Variants in MED12L observed in about 807,000 individuals in gnomAD.
The protein encoded by MED12L is mediator complex subunit 12L.
Under a neutral mutation model 281.3 loss-of-function variants are expected in MED12L, and 60 were observed. That is an observed-to-expected ratio of 0.21 (90% confidence interval 0.17 to 0.26). MED12L has a LOEUF of 0.26. MED12L is among the 10% of genes least tolerant of loss of function. MED12L has a pLI of 1.00. For missense variants in MED12L, 2,146 were observed against 2,680.9 expected (o/e 0.80, Z 4.41); for synonymous variants, 974 against 987.2 (o/e 0.99, Z 0.25).
chr3:151,111,435 C>T (rs1711873216), intron 2 of MED12L, among the ~76,000 whole-genome samples: 2 of 152,032 alleles, frequency 1.3e-5, no homozygotes, highest in African/African-American at 2.4e-5. Flanking sequence ...ATTGAGGAAA[C>T]GGAGGCACAG....
intron 16 of MED12L, among the ~76,000 whole-genome samples, chr3:151,274,848 A>T (rs1447977456): frequency 6.6e-5 from 10 of 152,212 alleles, no homozygotes; most frequent in Non-Finnish European, 1.0e-4. Flanking sequence ...TCATCACACC[A>T]TCTCTACCAT....
At chr3:151,171,813 T>G (rs112337190) in intron 11 of MED12L, among the ~76,000 whole-genome samples, 5 of 152,280 alleles carry the variant, frequency 3.3e-5, no homozygotes, top group African/African-American at 1.2e-4. Flanking sequence ...GGACAAAAGC[T>G]CGCTTTCTGT....
In MED12L at chr3:151,142,625, G is replaced by A. The variant is rs187598928; in HGVS notation, c.557-13536G>A. 4.5e-4 allele frequency among the ~76,000 whole-genome samples: 69 copies of A among 152,272 alleles called. 1 individual carries two copies. The highest frequency in any genetic ancestry group is 1.6e-3 in the African/African-American group (67 of 41,544). Reference sequence around the variant, plus strand: ...GCATATCCTCTGAGATATATTTCATGTATTTTTAAGTGTAGATTTTGTGTA... The same window carrying A: ...GCATATCCTCTGAGATATATTTCATATATTTTTAAGTGTAGATTTTGTGTA... On this transcript the variant is annotated intron_variant, in intron 5 of 44. Coordinates refer to ENST00000687756, the MANE Select transcript of MED12L (RefSeq NM_001393769.1).
At chr3:151,281,070 A>G (rs1332251906) in intron 16 of MED12L, among the ~76,000 whole-genome samples, 1 of 151,630 alleles carries the variant, frequency 6.6e-6, no homozygotes, top group Non-Finnish European at 1.5e-5. Context: ...GACAATATTT[A>G]TTCTATCTTC....
chr3:151,289,786 C>T (rs1189457727), intron 16 of MED12L, among the ~76,000 whole-genome samples: 1 of 152,044 alleles, frequency 6.6e-6, no homozygotes, highest in African/African-American at 2.4e-5. Flanking sequence ...TTTGCAGATT[C>T]TTGTCATAGG....
intron 16 of MED12L, among the ~76,000 whole-genome samples, chr3:151,283,733 C>T (rs1281874696): frequency 4.6e-5 from 7 of 152,220 alleles, no homozygotes; most frequent in African/African-American, 1.7e-4. Flanking sequence ...AGAGAATATT[C>T]TCCAACTCCG....
chr3:151,204,085 A>G (rs1726028410), intron 16 of MED12L, among the ~76,000 whole-genome samples: 1 of 152,192 alleles, frequency 6.6e-6, no homozygotes, highest in South Asian at 2.1e-4. Context: ...TAACAAACAT[A>G]TTTTCAAGAG....
At chr3:151,172,351 C>T (rs1721541703) in intron 11 of MED12L, among the ~76,000 whole-genome samples, 1 of 152,156 alleles carries the variant, frequency 6.6e-6, no homozygotes, top group South Asian at 2.1e-4. Flanking sequence ...TAAATGGGTA[C>T]TTAATAAACA....
At chr3:151,302,041 G>C (rs1432029228) in intron 16 of MED12L, among the ~76,000 whole-genome samples, 2 of 152,172 alleles carry the variant, frequency 1.3e-5, no homozygotes, top group Non-Finnish European at 2.9e-5. Flanking sequence ...TGTGGTATAG[G>C]CAAAGGATGG....
intron 16 of MED12L, among the ~76,000 whole-genome samples, chr3:151,279,202 G>C (rs551165515): frequency 1.4e-4 from 22 of 152,182 alleles, no homozygotes; most frequent in Non-Finnish European, 2.4e-4. Context: ...ACTTTATAAG[G>C]TTCCTGCATT....
intron 44 of MED12L, among the ~76,000 whole-genome samples, chr3:151,431,058 G>A (rs1208965531): frequency 1.3e-5 from 2 of 152,138 alleles, no homozygotes; most frequent in African/African-American, 2.4e-5. Flanking sequence ...ACCCCTGGGC[G>A]GGTGTCATAG....
At chr3:151,203,160 T>C (rs1725881276) in intron 16 of MED12L, 1 of 152,208 alleles carries the variant, frequency 6.6e-6, no homozygotes, top group Admixed American at 6.5e-5. Flanking sequence ...CAGAGAAGCA[T>C]GAGCTGTTTG....
chr3:151,110,970 C>G (rs920816238), intron 2 of MED12L, among the ~76,000 whole-genome samples: 9 of 152,152 alleles, frequency 5.9e-5, no homozygotes, highest in African/African-American at 2.2e-4. Flanking sequence ...CTCAACTCTT[C>G]ATGTTAGCAT....
intron 8 of MED12L, among the ~76,000 whole-genome samples, chr3:151,161,088 G>T (rs1719921498): frequency 6.6e-6 from 1 of 152,184 alleles, no homozygotes; most frequent in Non-Finnish European, 1.5e-5. Flanking sequence ...TCATCAGAGG[G>T]TTTTATGCAG....
At chr3:151,368,714 C>T (rs1394986935) in intron 25 of MED12L, among the ~76,000 whole-genome samples, 16 of 48,706 alleles carry the variant, frequency 3.3e-4, no homozygotes, top group South Asian at 1.2e-3. Context: ...CATTTCATTT[C>T]ATTTCATTTC....
intron 2 of MED12L, among the ~76,000 whole-genome samples, chr3:151,104,807 G>C (rs1721803542): frequency 6.6e-6 from 1 of 152,148 alleles, no homozygotes; most frequent in Admixed American, 6.5e-5. Flanking sequence ...GCCTCCTCCA[G>C]CTTCTGCTAG....
Position 151,387,958 on chromosome 3 carries a change from T to G in MED12L, c.5237T>G (p.Leu1746Arg). The change falls in exon 37 of 45, where the codon CTG becomes CGG. Residue 1746 changes from leucine (L) to arginine (R), a missense_variant. Physicochemically the swap from Leu to Arg is moderately radical, Grantham distance 102. Coordinates refer to ENST00000687756, the MANE Select transcript of MED12L (RefSeq NM_001393769.1). ...TACGAGGAGCAGCATCACCTCCTGC[T>G]GTATCACACACACCCCATGCCCAAG... ...IKYEEQHHLL[L>R]YHTHPMPKPR... is the part of the protein sequence containing the mutation. 6.2e-7 allele frequency: 1 copy of G among 1,614,034 alleles called. No homozygotes were observed. Among genetic ancestry groups the G allele is most frequent in the African/African-American group, 1.3e-5 (1 of 75,006 alleles).
intron 5 of MED12L, among the ~76,000 whole-genome samples, chr3:151,133,270 T>C (rs1174037205): frequency 6.6e-6 from 1 of 152,226 alleles, no homozygotes; most frequent in East Asian, 1.9e-4. Context: ...AGGGAACTTT[T>C]CCCAAAGTTA....
At chr3:151,106,379 G>C (rs1472828113) in intron 2 of MED12L, among the ~76,000 whole-genome samples, 3 of 121,222 alleles carry the variant, frequency 2.5e-5, no homozygotes, top group Non-Finnish European at 4.9e-5. Context: ...TCGCCATGTT[G>C]GGCAGGTTAA....
Sources: allele counts gnomAD v4.1 joint callset (sites outside exome capture counted in the v4.1 genomes callset), GRCh38; gene constraint gnomAD v4.1.1; transcripts MANE v1.5; gene names NCBI Gene and HGNC (gene_info 2026-07-23, HGNC 2026-07-21).